Variants in SYT6 observed in about 807,000 individuals in gnomAD.
SYT6 encodes synaptotagmin-6.
A neutral mutation model predicts 38.4 loss-of-function variants in SYT6; 24 were observed. The ratio of observed to expected loss-of-function variants is 0.62; its 90% CI spans 0.45 to 0.88. The LOEUF (loss-of-function observed/expected upper bound fraction) is 0.88. SYT6 is among the 40% of genes least tolerant of loss of function. The probability of loss-of-function intolerance (pLI) is 0.00; values close to 1 mark genes in which losing one functional copy is unlikely to be tolerated. For synonymous variants in SYT6, 265 were observed against 241.9 expected (o/e 1.10, Z -0.89); for missense variants, 611 against 621.0 (o/e 0.98, Z 0.17).
At chr1:114,134,237 C>T (rs1400887315) in intron 3 of SYT6, among the ~76,000 whole-genome samples, 2 of 152,212 alleles carry the variant, frequency 1.3e-5, no homozygotes, top group Non-Finnish European at 2.9e-5. Flanking sequence ...CATGCACAGG[C>T]TGGGTCTCTC....
chr1:114,130,625 T>C (rs1678089367), intron 3 of SYT6, among the ~76,000 whole-genome samples: 1 of 152,206 alleles, frequency 6.6e-6, no homozygotes, highest in Admixed American at 6.5e-5. Flanking sequence ...GTAATGTAAA[T>C]AATTGTGTTC....
chr1:114,094,847 G>A (rs981402172), intron 6 of SYT6, among the ~76,000 whole-genome samples: 4 of 152,224 alleles, frequency 2.6e-5, no homozygotes, highest in Non-Finnish European at 4.4e-5. Context: ...GAACGGGAAC[G>A]AAAAGAAGGC....
At chr1:114,138,131 G>C in intron 2 of SYT6, 78 bp from the exon 3 acceptor site, 1 of 1,404,682 alleles carries the variant, frequency 7.1e-7, no homozygotes, top group African/African-American at 1.4e-5. Flanking sequence ...CACGAGCCTG[G>C]AGGCCCTGGC....
chr1:114,129,313 G>C (rs181907217), intron 3 of SYT6, among the ~76,000 whole-genome samples: 2 of 152,108 alleles, frequency 1.3e-5, no homozygotes, highest in African/African-American at 2.4e-5. Flanking sequence ...CTGACTTCCT[G>C]CCTTTCCTCT....
intron 1 of SYT6, among the ~76,000 whole-genome samples, chr1:114,147,984 CAAAGAAT>C (rs1679240946): frequency 2.0e-5 from 3 of 152,254 alleles, no homozygotes; most frequent in Non-Finnish European, 4.4e-5. Context: ...GATCAGAGGA[CAAAGAAT>C]CTGAGGGACG....
chr1:114,105,746 G>C (rs1676265636), intron 3 of SYT6, among the ~76,000 whole-genome samples: 2 of 152,280 alleles, frequency 1.3e-5, no homozygotes, highest in Middle Eastern at 6.8e-3. Flanking sequence ...CTTGCCAGCT[G>C]CTTGGACTCG....
At chr1:114,152,773 G>C (rs1679513179) in intron 1 of SYT6, 1 of 152,182 alleles carries the variant, frequency 6.6e-6, no homozygotes, top group Non-Finnish European at 1.5e-5. Context: ...CACCCGCTCC[G>C]GCGAGCTCGA....
At chr1:114,153,331 T>C (rs1044988569) in intron 1 of SYT6, among the ~76,000 whole-genome samples, 3 of 152,068 alleles carry the variant, frequency 2.0e-5, no homozygotes, top group African/African-American at 7.2e-5. Context: ...GCCCCAAGGG[T>C]GCCCCGTCCT....
chr1:114,118,027 C>T (rs890161558), intron 3 of SYT6, among the ~76,000 whole-genome samples: 4 of 152,164 alleles, frequency 2.6e-5, no homozygotes, highest in Non-Finnish European at 5.9e-5. Context: ...AGTGGGTTGG[C>T]TTCAGCCATC....
chr1:114,128,317 G>A (rs1431708091), intron 3 of SYT6, among the ~76,000 whole-genome samples: 1 of 152,178 alleles, frequency 6.6e-6, no homozygotes, highest in Non-Finnish European at 1.5e-5. Context: ...GGGATACTGA[G>A]CCTTTCTGCA....
chr1:114,095,604 G>C (rs1338235038), intron 6 of SYT6, among the ~76,000 whole-genome samples: 1 of 152,154 alleles, frequency 6.6e-6, no homozygotes, highest in East Asian at 1.9e-4. Flanking sequence ...AGATGGGAAG[G>C]GCTTATCCCC....
At chr1:114,125,380 A>G (rs1677662753) in intron 3 of SYT6, among the ~76,000 whole-genome samples, 1 of 152,196 alleles carries the variant, frequency 6.6e-6, no homozygotes, top group Admixed American at 6.5e-5. Context: ...TCCCAAGGCC[A>G]AGTGGACTTC....
intron 3 of SYT6, among the ~76,000 whole-genome samples, chr1:114,129,616 CCTTTCTTT>C (rs149266681): frequency 0.074 from 4,333 of 58,560 alleles, 152 homozygotes; most frequent in Middle Eastern, 0.12. Context: ...TTCTTTCTTT[CCTTTCTTT>C]CTTTCTTTCT....
intron 1 of SYT6, among the ~76,000 whole-genome samples, chr1:114,140,994 G>A (rs1398863639): frequency 6.6e-6 from 1 of 152,194 alleles, no homozygotes; most frequent in Non-Finnish European, 1.5e-5. Flanking sequence ...TAAATGTTGT[G>A]TGTGTTCTGG....
intron 3 of SYT6, among the ~76,000 whole-genome samples, chr1:114,109,011 AG>A (rs11291025): frequency 0.17 from 25,522 of 152,114 alleles, 6,061 homozygotes; most frequent in African/African-American, 0.53. Context: ...GTGGGAGGGT[AG>A]GGGGGCTGGA....
intron 3 of SYT6, among the ~76,000 whole-genome samples, chr1:114,122,506 T>TGTGTGTGTGTGCGCGC (rs60780339): frequency 0.089 from 13,117 of 147,114 alleles, 744 homozygotes; most frequent in East Asian, 0.2. Context: ...TGTGTGTGTG[T>TGTGTGTGTGTGCGCGC]GCGCGCACAT....
In SYT6 at chr1:114,096,304, T is replaced by C. The variant is rs146413417; in HGVS notation, c.1515+1423A>G. ...GGGCTCCCCTGGGGGAGCTGAGAGA[T>C]GAGGGACTGGCCTCACTCATTAAAG... On this transcript the variant is annotated intron_variant, in intron 6 of 7. Coordinates refer to ENST00000610222, the MANE Select transcript of SYT6 (RefSeq NM_001253772.2). 2.7e-3 allele frequency among the ~76,000 whole-genome samples: 418 copies of C among 152,208 alleles called. 1 individual carries two copies. The highest frequency in any genetic ancestry group is 8.9e-3 in the African/African-American group (371 of 41,526).
chr1:114,109,896 C>T (rs1044887612), intron 3 of SYT6, among the ~76,000 whole-genome samples: 2 of 152,168 alleles, frequency 1.3e-5, no homozygotes, highest in South Asian at 2.1e-4. Context: ...AGTAAGCAAG[C>T]GCTTTTGCTT....
intron 3 of SYT6, 120 bp downstream of exon 3, chr1:114,137,375 C>G: frequency 2.5e-6 from 3 of 1,218,912 alleles, no homozygotes; most frequent in Non-Finnish European, 3.4e-6. Context: ...TCCAGAGTCC[C>G]TCTTCACATC....
Sources: gnomAD v4.1 joint callset for allele counts (sites outside exome capture counted in the v4.1 genomes callset) on GRCh38, gnomAD v4.1.1 for gene constraint, MANE v1.5 for transcripts, NCBI Gene and HGNC (gene_info 2026-07-23, HGNC 2026-07-21) for gene names.